Variants in FSHR observed in about 807,000 individuals in gnomAD.
FSHR encodes follicle-stimulating hormone receptor.
FSHR carries 46 observed loss-of-function variants against 52.1 expected under a neutral mutation model. The observed-to-expected ratio is 0.88, with a 90% CI of 0.70 to 1.13. The LOEUF is 1.13. Ranked by LOEUF, FSHR falls within the 50% of genes most tolerant of loss-of-function variation. The pLI is 0.00. For missense variants in FSHR, 964 were observed against 834.6 expected, an observed-to-expected ratio of 1.16 and a Z score of -1.91; for synonymous variants, 399 against 309.6, an observed-to-expected ratio of 1.29 and a Z score of -3.03.
At chr2:49,001,973 T>G (rs961713365) in intron 4 of FSHR, among the ~76,000 whole-genome samples, 5 of 152,126 alleles carry the variant, frequency 3.3e-5, no homozygotes, top group African/African-American at 1.2e-4. Context: ...AATGCTTAGT[T>G]CAGAATCTGC....
At chr2:48,966,119 A>G (rs1674466638) in intron 9 of FSHR, among the ~76,000 whole-genome samples, 1 of 152,210 alleles carries the variant, frequency 6.6e-6, no homozygotes, top group Admixed American at 6.5e-5. Flanking sequence ...GAAAGGAATA[A>G]TAATGATATT....
At chr2:49,044,058 CAATTTCTGTAACTACATTATA>C (rs570731139) in intron 2 of FSHR, among the ~76,000 whole-genome samples, 1 of 152,278 alleles carries the variant, frequency 6.6e-6, no homozygotes, top group Non-Finnish European at 1.5e-5. Flanking sequence ...ACGTGAATTC[CAATTTCTGTAACTACATTATA>C]AATTTCTTCG....
At chr2:49,060,178 T>C (rs933742240) in intron 2 of FSHR, among the ~76,000 whole-genome samples, 11 of 152,034 alleles carry the variant, frequency 7.2e-5, no homozygotes, top group African/African-American at 2.7e-4. Context: ...GGGATGGTTA[T>C]TAAACGAAAA....
chr2:49,022,450 T>A (rs1389555632), intron 2 of FSHR, among the ~76,000 whole-genome samples: 1 of 152,068 alleles, frequency 6.6e-6, no homozygotes, highest in Non-Finnish European at 1.5e-5. Context: ...GAAAAGTCCT[T>A]CAATGAGAAA....
intron 4 of FSHR, among the ~76,000 whole-genome samples, chr2:49,015,966 T>A (rs1212981162): frequency 6.6e-6 from 1 of 152,162 alleles, no homozygotes; most frequent in South Asian, 2.1e-4. Flanking sequence ...TAGAAGCAGA[T>A]GACTTTGTTT....
chr2:49,067,390 G>A (rs1340386661), intron 2 of FSHR, among the ~76,000 whole-genome samples: 1 of 152,080 alleles, frequency 6.6e-6, no homozygotes, highest in African/African-American at 2.4e-5. Context: ...ATGACTTCAA[G>A]AAAGAAACAC....
intron 1 of FSHR, among the ~76,000 whole-genome samples, chr2:49,087,462 T>C (rs1338407495): frequency 1.3e-5 from 2 of 152,190 alleles, no homozygotes; most frequent in Non-Finnish European, 2.9e-5. Flanking sequence ...TATTCATATG[T>C]CTGACACTGC....
intron 1 of FSHR, among the ~76,000 whole-genome samples, chr2:49,146,521 T>C (rs1415943024): frequency 6.6e-6 from 1 of 151,964 alleles, no homozygotes; most frequent in Non-Finnish European, 1.5e-5. Context: ...GAGATGTTTG[T>C]GTGGGGTTTT....
chr2:49,107,995 G>A (rs1671292635), intron 1 of FSHR, among the ~76,000 whole-genome samples: 1 of 152,054 alleles, frequency 6.6e-6, no homozygotes, highest in Non-Finnish European at 1.5e-5. Context: ...ATTGTTTCTG[G>A]GTGTTTCTGT....
chr2:48,971,306 A>G (rs374143438), intron 8 of FSHR, among the ~76,000 whole-genome samples: 42 of 152,312 alleles, frequency 2.8e-4, no homozygotes, highest in African/African-American at 9.4e-4. Flanking sequence ...GAGAATAGGT[A>G]AAAGTGCAAA....
At chr2:49,021,886 T>TATATAGAGAGAG (rs1273265515) in intron 2 of FSHR, among the ~76,000 whole-genome samples, 28 of 25,112 alleles carry the variant, frequency 1.1e-3, no homozygotes, top group Non-Finnish European at 1.5e-3. Context: ...TATATATATA[T>TATATAGAGAGAG]AGAGAGAGAG....
chr2:49,006,841 C>A (rs1667091342), intron 4 of FSHR, among the ~76,000 whole-genome samples: 1 of 152,144 alleles, frequency 6.6e-6, no homozygotes, highest in South Asian at 2.1e-4. Context: ...CCTTTCTCAA[C>A]CACGCTTTCT....
chr2:49,049,817 C>A (rs930927230), intron 2 of FSHR, among the ~76,000 whole-genome samples: 1 of 125,116 alleles, frequency 8.0e-6, no homozygotes, highest in African/African-American at 3.5e-5. Context: ...CATATAGCCC[C>A]TACTCTAATA....
intron 8 of FSHR, among the ~76,000 whole-genome samples, chr2:48,978,248 A>G (rs2104043823): frequency 1.3e-5 from 2 of 152,316 alleles, no homozygotes; most frequent in East Asian, 3.9e-4. Context: ...CACAAATTTG[A>G]TTTGAACAAT....
intron 1 of FSHR, among the ~76,000 whole-genome samples, chr2:49,122,681 A>C (rs1481814180): frequency 6.6e-6 from 1 of 151,804 alleles, no homozygotes; most frequent in African/African-American, 2.4e-5. Context: ...TCCAACTCCT[A>C]CTCCAGGGTG....
intron 2 of FSHR, among the ~76,000 whole-genome samples, chr2:49,058,362 C>T (rs989965427): frequency 6.6e-6 from 1 of 151,938 alleles, no homozygotes; most frequent in African/African-American, 2.4e-5. Context: ...TCCTGGCCAA[C>T]ATGGTGAAAC....
chr2:48,978,228 T>C (rs1237920167), intron 8 of FSHR, among the ~76,000 whole-genome samples: 1 of 152,210 alleles, frequency 6.6e-6, no homozygotes, highest in African/African-American at 2.4e-5. Flanking sequence ...AAGTGTGTTA[T>C]AGCCAGTGCC....
At chr2:49,148,178 T>C (rs959698355) in intron 1 of FSHR, among the ~76,000 whole-genome samples, 5 of 152,016 alleles carry the variant, frequency 3.3e-5, no homozygotes, top group African/African-American at 1.2e-4. Flanking sequence ...GCAAGTATTA[T>C]CACGTAAGTC....
At chr2:49,120,858 T>C (rs954336018) in intron 1 of FSHR, among the ~76,000 whole-genome samples, 4 of 152,228 alleles carry the variant, frequency 2.6e-5, no homozygotes, top group Non-Finnish European at 5.9e-5. Context: ...TTCATATTTT[T>C]AGGTGTAAAC....
Sources: allele counts gnomAD v4.1 joint callset (sites outside exome capture counted in the v4.1 genomes callset), GRCh38; gene constraint gnomAD v4.1.1; transcripts MANE v1.5; gene names NCBI Gene and HGNC (gene_info 2026-07-23, HGNC 2026-07-21).